The following NLGN1 variants were observed in gnomAD, a reference collection of about 807,000 sequenced individuals.
NLGN1 encodes the protein neuroligin-1.
A neutral mutation model predicts 65.5 loss-of-function variants in NLGN1; 12 were observed. That is an observed-to-expected ratio of 0.18 (90% confidence interval 0.12 to 0.30). The LOEUF (loss-of-function observed/expected upper bound fraction) is 0.30, where lower values mean the gene tolerates loss of function less well. Ranked by LOEUF, NLGN1 falls within the 10% of genes least tolerant of loss-of-function variation. NLGN1 has a pLI of 1.00. For synonymous variants in NLGN1, 350 were observed against 359.5 expected (o/e 0.97, Z 0.30); for missense variants, 750 against 1,007.1 (o/e 0.74, Z 3.46).
intron 2 of NLGN1, among the ~76,000 whole-genome samples, chr3:173,600,688 A>G (rs16828143): frequency 0.68 from 101,600 of 148,880 alleles, 36,433 homozygotes; most frequent in Non-Finnish European, 0.8. Flanking sequence ...GTATTTATTG[A>G]ACACATGTCA....
At chr3:174,041,578 G>A (rs1732318831) in intron 4 of NLGN1, among the ~76,000 whole-genome samples, 1 of 152,068 alleles carries the variant, frequency 6.6e-6, no homozygotes, top group Non-Finnish European at 1.5e-5. Flanking sequence ...GATGTGAGTT[G>A]CAATTACTCC....
chr3:173,633,102 A>G (rs897478985), intron 3 of NLGN1, among the ~76,000 whole-genome samples: 1 of 152,124 alleles, frequency 6.6e-6, no homozygotes, highest in Non-Finnish European at 1.5e-5. Context: ...GTAGGGAACT[A>G]GAAGTACTTT....
intron 3 of NLGN1, among the ~76,000 whole-genome samples, chr3:173,678,640 G>C (rs1763506638): frequency 6.6e-6 from 1 of 152,090 alleles, no homozygotes; most frequent in Non-Finnish European, 1.5e-5. Flanking sequence ...CTGAAGACAA[G>C]AGATCCTCTG....
chr3:174,099,973 CG>C (rs1712030831), intron 4 of NLGN1, among the ~76,000 whole-genome samples: 1 of 152,064 alleles, frequency 6.6e-6, no homozygotes, highest in Non-Finnish European at 1.5e-5. Flanking sequence ...TCTTTAAAGA[CG>C]TGCCTGAGAA....
chr3:173,505,383 G>A (rs1731853201), intron 2 of NLGN1, among the ~76,000 whole-genome samples: 1 of 152,040 alleles, frequency 6.6e-6, no homozygotes, highest in African/African-American at 2.4e-5. Flanking sequence ...TGAGAACATA[G>A]ATCTACATCA....
intron 4 of NLGN1, among the ~76,000 whole-genome samples, chr3:174,073,704 T>C (rs1371590571): frequency 6.6e-6 from 1 of 152,166 alleles, no homozygotes; most frequent in Non-Finnish European, 1.5e-5. Context: ...TCAGATTAAT[T>C]GCCGGTGATA....
intron 3 of NLGN1, among the ~76,000 whole-genome samples, chr3:173,772,624 G>A (rs909981618): frequency 6.6e-6 from 1 of 152,046 alleles, no homozygotes; most frequent in Non-Finnish European, 1.5e-5. Flanking sequence ...GTCCCACTTA[G>A]ATAACAATAA....
At chr3:173,555,019 A>G (rs1175454110) in intron 2 of NLGN1, among the ~76,000 whole-genome samples, 1 of 152,160 alleles carries the variant, frequency 6.6e-6, no homozygotes, top group Non-Finnish European at 1.5e-5. Flanking sequence ...GATGTTGAAC[A>G]CCATTCTGTG....
At chr3:173,582,426 C>T (rs568228856) in intron 2 of NLGN1, among the ~76,000 whole-genome samples, 50 of 152,100 alleles carry the variant, frequency 3.3e-4, no homozygotes, top group African/African-American at 1.2e-3. Context: ...CTATCATATA[C>T]TCTCTGTAAT....
intron 4 of NLGN1, among the ~76,000 whole-genome samples, chr3:173,928,609 T>G (rs940373770): frequency 2.6e-5 from 4 of 152,180 alleles, no homozygotes; most frequent in African/African-American, 9.6e-5. Flanking sequence ...GTATGAGGTC[T>G]CTCTGTCTCC....
chr3:173,706,288 A>G (rs1413834605), intron 3 of NLGN1, among the ~76,000 whole-genome samples: 2 of 152,206 alleles, frequency 1.3e-5, no homozygotes, highest in Admixed American at 1.3e-4. Flanking sequence ...GGGAGGACTT[A>G]TTTACACATT....
chr3:173,589,088 C>T (rs1177484283), intron 2 of NLGN1, among the ~76,000 whole-genome samples: 1 of 152,152 alleles, frequency 6.6e-6, no homozygotes, highest in East Asian at 1.9e-4. Flanking sequence ...TAAGTTCCAG[C>T]CTGAGACTAG....
intron 4 of NLGN1, among the ~76,000 whole-genome samples, chr3:174,181,651 G>A (rs776765781): frequency 2.6e-5 from 4 of 151,912 alleles, no homozygotes; most frequent in East Asian, 1.9e-4. Context: ...ATAGTCAGCC[G>A]GGCTCAGTGG....
intron 4 of NLGN1, among the ~76,000 whole-genome samples, chr3:174,227,365 A>G (rs2152812863): frequency 6.6e-6 from 1 of 152,266 alleles, no homozygotes; most frequent in East Asian, 1.9e-4. Context: ...TGCCTTTTCC[A>G]TTTCACACAT....
At chr3:173,580,354 A>G (rs1746199295) in intron 2 of NLGN1, among the ~76,000 whole-genome samples, 1 of 152,104 alleles carries the variant, frequency 6.6e-6, no homozygotes, top group African/African-American at 2.4e-5. Context: ...GGAATGCCCT[A>G]TAGTGCTCAG....
chr3:173,590,523 C>T (rs1748301969), intron 2 of NLGN1, among the ~76,000 whole-genome samples: 2 of 152,160 alleles, frequency 1.3e-5, no homozygotes, highest in South Asian at 4.1e-4. Context: ...CTGGTTTGTT[C>T]GGAGCTGAGT....
chr3:174,242,993 C>T (rs995925182), intron 4 of NLGN1, among the ~76,000 whole-genome samples: 1 of 152,236 alleles, frequency 6.6e-6, no homozygotes, highest in East Asian at 1.9e-4. Flanking sequence ...AACTCCCTGC[C>T]TTGATTTTCA....
At chr3:174,155,238 T>C (rs1269426302) in intron 4 of NLGN1, among the ~76,000 whole-genome samples, 3 of 151,350 alleles carry the variant, frequency 2.0e-5, no homozygotes, top group African/African-American at 7.3e-5. Context: ...AAGACGTTGA[T>C]ACTCTAGGTG....
rs1420360274 is a variant in NLGN1, at chr3:173,539,536, T to C, written c.-320-64743T>C. ...GTACATGTATATGTATATATACATATGTATATATAAAATATATACATAATA... is the reference window on the plus strand; with the variant it reads ...GTACATGTATATGTATATATACATACGTATATATAAAATATATACATAATA... On this transcript the variant is annotated intron_variant, in intron 2 of 6. Coordinates refer to ENST00000457714, the Ensembl canonical transcript of NLGN1. Among the ~76,000 whole-genome samples, 4 of 143,974 alleles carry C rather than the reference T, an allele frequency of 2.8e-5. No individual in the cohort carries two copies. The Admixed American group carries it at 2.8e-4, about 10-fold the overall frequency. The allele number at this position is 143,974 out of a possible 152,430, so 94.5% of individuals were successfully genotyped here.
Sources: allele counts gnomAD v4.1 joint callset (sites outside exome capture counted in the v4.1 genomes callset), GRCh38; gene constraint gnomAD v4.1.1; transcripts MANE v1.5; gene names NCBI Gene and HGNC (gene_info 2026-07-23, HGNC 2026-07-21).